Variants in ZFP82 observed in about 807,000 individuals in gnomAD.
The protein encoded by ZFP82 is zinc finger protein 82 homolog.
In ZFP82, 30 loss-of-function variants were observed where a neutral mutation model predicts 54.0. The observed-to-expected ratio is 0.56, with a 90% CI of 0.42 to 0.75. ZFP82 has a LOEUF of 0.75. Ranked by LOEUF, ZFP82 falls within the 30% of genes least tolerant of loss-of-function variation. The pLI is 0.00. For synonymous variants in ZFP82, 194 were observed against 209.5 expected (o/e 0.93, Z 0.64); for missense variants, 500 against 636.8 (o/e 0.79, Z 2.31).
chr19:36,396,230 T>C (rs1254617847), intron 4 of ZFP82, among the ~76,000 whole-genome samples: 1 of 152,068 alleles, frequency 6.6e-6, no homozygotes, highest in East Asian at 1.9e-4. Context: ...TTGAAAATAA[T>C]GGGAGGCCAG....
At chr19:36,406,248 C>T (rs7253122) in intron 3 of ZFP82, among the ~76,000 whole-genome samples, 24,251 of 152,112 alleles carry the variant, frequency 0.16, 2,397 homozygotes, top group Non-Finnish European at 0.22. Flanking sequence ...AACAGCTTTG[C>T]TGCAATATAA....
At position 36,392,998 on chromosome 19, in the gene ZFP82, TC is replaced by T; in HGVS notation, c.1341del (p.Lys448AsnfsTer50). 6.2e-7 allele frequency: 1 copy of T among 1,614,222 alleles called. No individual in the cohort carries two copies. Among genetic ancestry groups the T allele is most frequent in the Non-Finnish European group, 8.5e-7 (1 of 1,180,038 alleles). Reference sequence around the variant, plus strand: ...CCACATTCCTTACATTTATAAGGTTTCTCACCAATATGAATACTCTGATGCT... The same window carrying T: ...CCACATTCCTTACATTTATAAGGTTTTCACCAATATGAATACTCTGATGCT... The part of the protein sequence containing the change: ...LTQHQSIHIG[E>X]KPYKCKECGK... On this transcript the variant is annotated frameshift_variant, in exon 5 of 5. Coordinates refer to ENST00000392161, the MANE Select transcript of ZFP82 (RefSeq NM_133466.4). LOFTEE classifies it high-confidence loss of function.
intron 1 of ZFP82, among the ~76,000 whole-genome samples, chr19:36,416,193 A>G (rs908282049): frequency 6.6e-6 from 1 of 152,194 alleles, no homozygotes; most frequent in South Asian, 2.1e-4. Flanking sequence ...GCTGCATCAC[A>G]TGGAGTGTGG....
At chr19:36,398,404 G>A (rs2032331740) in intron 4 of ZFP82, among the ~76,000 whole-genome samples, 1 of 152,060 alleles carries the variant, frequency 6.6e-6, no homozygotes, top group Non-Finnish European at 1.5e-5. Context: ...GGGTGTGGTG[G>A]CACATGCTTG....
At chr19:36,395,174 A>G (rs1327133224) in intron 4 of ZFP82, 1 of 152,154 alleles carries the variant, frequency 6.6e-6, no homozygotes, top group Non-Finnish European at 1.5e-5. Flanking sequence ...TGCACTGCCC[A>G]TTTGCCCCTT....
rs1387957538 is a variant in ZFP82, at chr19:36,389,528, A to G, written c.*3213T>C. On this transcript the variant is annotated 3_prime_UTR_variant, in exon 5 of 5. Coordinates refer to ENST00000392161, the MANE Select transcript of ZFP82 (RefSeq NM_133466.4). ...AAGTATTTAAAAGTAAATCACAGGC[A>G]TAACATTTCAGCCTTAAATACCTCA... 2.0e-5 allele frequency among the ~76,000 whole-genome samples: 3 copies of G among 152,188 alleles called. No homozygotes were observed. The highest frequency in any genetic ancestry group is 7.2e-5 in the African/African-American group (3 of 41,438).
Position 36,388,845 on chromosome 19 carries a change from AT to A in ZFP82, c.*3895del, listed in dbSNP as rs770158877. Among the ~76,000 whole-genome samples the A allele has an allele frequency of 2.0e-5, 3 of 152,170 alleles. No homozygotes were observed. Among genetic ancestry groups the A allele is most frequent in the Non-Finnish European group, 4.4e-5 (3 of 68,026 alleles). On this transcript the variant is annotated 3_prime_UTR_variant, in exon 5 of 5. Transcript: ENST00000392161. The stretch of plus-strand genomic sequence containing the variant: ...TATTTTTTCCCATAAATTGCCTGTT[AT>A]GTGACAGGCACTGTAGGTGTGTGAA...
In ZFP82 at chr19:36,414,325, T is replaced by C. The variant is rs553041050; in HGVS notation, c.-79+4167A>G. ...ATTTTTCAGCATTGCTCTTAAAACA[T>C]TGATAAATGTTAGAACTAGGCTTGA... On this transcript the variant is annotated intron_variant, in intron 1 of 4. Transcript: ENST00000392161. Among the ~76,000 whole-genome samples the C allele has an allele frequency of 3.3e-5, 5 of 152,074 alleles. No individual in the cohort carries two copies. The East Asian group carries it at 5.8e-4, about 18-fold the overall frequency.
Position 36,388,671 on chromosome 19 carries a change from A to G in ZFP82, c.*4070T>C, listed in dbSNP as rs924573318. Among the ~76,000 whole-genome samples, 1 of 152,170 alleles carries G rather than the reference A, an allele frequency of 6.6e-6. No individual in the cohort carries two copies. The highest frequency in any genetic ancestry group is 1.5e-5 in the Non-Finnish European group (1 of 68,018). The stretch of plus-strand genomic sequence containing the variant: ...AGCTGTGAGTCATGTTTTTCCCTCA[A>G]TAACTGCCAATTCTATATTAATGTT... On this transcript the variant is annotated 3_prime_UTR_variant, in exon 5 of 5. Coordinates refer to ENST00000392161, the MANE Select transcript of ZFP82 (RefSeq NM_133466.4).
intron 4 of ZFP82, 56 bp downstream of exon 4, chr19:36,405,524 C>T (rs1466611179): frequency 3.8e-6 from 5 of 1,324,396 alleles, no homozygotes; most frequent in Non-Finnish European, 5.4e-6. Flanking sequence ...TGTCTCTTCC[C>T]CAGTGATCTG....
intron 1 of ZFP82, among the ~76,000 whole-genome samples, chr19:36,416,066 G>A (rs550691140): frequency 6.6e-6 from 1 of 152,250 alleles, no homozygotes; most frequent in Non-Finnish European, 1.5e-5. Flanking sequence ...TATTAAGAGC[G>A]ATTCATACAT....
At chr19:36,416,157 T>G (rs2032665609) in intron 1 of ZFP82, among the ~76,000 whole-genome samples, 1 of 152,186 alleles carries the variant, frequency 6.6e-6, no homozygotes, top group African/African-American at 2.4e-5. Flanking sequence ...CTTCTCATAA[T>G]TAACAGTATT....
At chr19:36,403,617 C>T (rs1409709187) in intron 4 of ZFP82, among the ~76,000 whole-genome samples, 6 of 65,368 alleles carry the variant, frequency 9.2e-5, no homozygotes, top group Admixed American at 2.0e-4. Flanking sequence ...GAGACTCCGT[C>T]GCAAGAAAAA....
At chr19:36,417,400 G>C (rs1197475974) in intron 1 of ZFP82, among the ~76,000 whole-genome samples, 1 of 152,168 alleles carries the variant, frequency 6.6e-6, no homozygotes, top group Non-Finnish European at 1.5e-5. Context: ...CTAGGTATCA[G>C]CTCAATGGAC....
intron 1 of ZFP82, among the ~76,000 whole-genome samples, chr19:36,417,602 T>C (rs2032694739): frequency 6.6e-6 from 1 of 152,178 alleles, no homozygotes; most frequent in African/African-American, 2.4e-5. Flanking sequence ...AACCAGGCTT[T>C]TCTTGCAGCC....
At chr19:36,383,752 CAA>C (rs2032086043), downstream of ZFP82, 1 of 152,058 alleles carries the variant, frequency 6.6e-6, no homozygotes, top group South Asian at 2.1e-4. Context: ...ATTCATATGA[CAA>C]TATCAACATA....
In ZFP82 at chr19:36,409,776, C is replaced by G; in HGVS notation, c.9+5G>C. The stretch of plus-strand genomic sequence containing the variant: ...TAGTATTCCTAGGAGGAGAAAAAAA[C>G]TTACAAGGGCCATGGTATAGAAATT... On this transcript the variant is annotated splice_donor_5th_base_variant and intron_variant, in intron 2 of 4. Coordinates refer to ENST00000392161, the MANE Select transcript of ZFP82 (RefSeq NM_133466.4). 1.2e-6 allele frequency: 2 copies of G among 1,613,692 alleles called. No homozygotes were observed. Among genetic ancestry groups the G allele is most frequent in the Non-Finnish European group, 1.7e-6 (2 of 1,179,816 alleles).
At chr19:36,404,262 A>G (rs1031389480) in intron 4 of ZFP82, among the ~76,000 whole-genome samples, 1 of 152,202 alleles carries the variant, frequency 6.6e-6, no homozygotes, top group African/African-American at 2.4e-5. Context: ...GTCATGGCAC[A>G]TGGCAGGACA....
In ZFP82 at chr19:36,392,683, ATAGAT is replaced by A; in HGVS notation, c.*53_*57del. ...AACGCAGTTGCATGTATGGAGCAAA[ATAGAT>A]TAATTACTACATTCATAGAATGTTC... On this transcript the variant is annotated 3_prime_UTR_variant, in exon 5 of 5. Transcript: ENST00000392161. The A allele has an allele frequency of 2.1e-6, 3 of 1,449,910 alleles. No individual in the cohort carries two copies. Among genetic ancestry groups the A allele is most frequent in the Non-Finnish European group, 2.7e-6 (3 of 1,095,922 alleles). The allele number at this position is 1,449,910 out of a possible 1,614,324, so 89.8% of individuals were successfully genotyped here.
Sources: gnomAD v4.1 joint callset for allele counts (sites outside exome capture counted in the v4.1 genomes callset) on GRCh38, gnomAD v4.1.1 for gene constraint, MANE v1.5 for transcripts, NCBI Gene and HGNC (gene_info 2026-07-23, HGNC 2026-07-21) for gene names.